The following KLRK1 variants were observed in gnomAD, a reference collection of about 807,000 sequenced individuals.
The protein encoded by KLRK1 is NKG2-D type II integral membrane protein.
Under a neutral mutation model 31.3 loss-of-function variants are expected in KLRK1, and 40 were observed. The observed-to-expected ratio is 1.28, with a 90% CI of 0.99 to 1.67. The LOEUF is 1.67. Among genes scored for constraint, KLRK1 ranks in the 40% most tolerant of loss-of-function variants. The probability of loss-of-function intolerance (pLI) is 0.00; values close to 1 mark genes in which losing one functional copy is unlikely to be tolerated. For synonymous variants in KLRK1, 77 were observed against 77.3 expected, an observed-to-expected ratio of 1.00 and a Z score of 0.02; for missense variants, 251 against 260.0, an observed-to-expected ratio of 0.97 and a Z score of 0.24.
At chr12:10,382,875 G>A (rs542950801) in intron 3 of KLRK1, among the ~76,000 whole-genome samples, 14 of 151,980 alleles carry the variant, frequency 9.2e-5, no homozygotes, top group Admixed American at 7.9e-4. Flanking sequence ...GAGTTGTTTA[G>A]TTTTTTCTTT....
intron 7 of KLRK1, among the ~76,000 whole-genome samples, chr12:10,376,903 G>A (rs1414266903): frequency 2.7e-5 from 4 of 148,866 alleles, no homozygotes; most frequent in African/African-American, 9.9e-5. Flanking sequence ...TGCAACCTCC[G>A]TCTCCCGGGT....
chr12:10,377,364 A>G (rs1862986681), intron 7 of KLRK1, among the ~76,000 whole-genome samples: 1 of 152,268 alleles, frequency 6.6e-6, no homozygotes, highest in Non-Finnish European at 1.5e-5. Context: ...ATACTTGTAC[A>G]CAAATATTAT....
chr12:10,374,748 C>T (rs562969664), intron 7 of KLRK1, among the ~76,000 whole-genome samples: 2 of 150,910 alleles, frequency 1.3e-5, no homozygotes, highest in Admixed American at 1.3e-4. Flanking sequence ...ATACTACTTT[C>T]ATTACACTTC....
At chr12:10,375,173 G>GGAAAATTGAAAATAAC (rs1449340932) in intron 7 of KLRK1, among the ~76,000 whole-genome samples, 1 of 152,072 alleles carries the variant, frequency 6.6e-6, no homozygotes, top group Non-Finnish European at 1.5e-5. Flanking sequence ...AAACACAAGG[G>GGAAAATTGAAAATAAC]GAAAATTGAA....
intron 3 of KLRK1, 44 bp from the exon 4 acceptor site, chr12:10,379,836 G>A (rs1863037295): frequency 2.6e-6 from 4 of 1,534,362 alleles, no homozygotes; most frequent in Non-Finnish European, 3.5e-6. Flanking sequence ...AAGCATAAAA[G>A]GTTTGGGTAT....
chr12:10,376,024 C>A (rs963813934), intron 7 of KLRK1, among the ~76,000 whole-genome samples: 2 of 152,166 alleles, frequency 1.3e-5, no homozygotes, highest in Admixed American at 1.3e-4. Context: ...TAAAGATATG[C>A]AGAAGGTCAC....
intron 3 of KLRK1, among the ~76,000 whole-genome samples, chr12:10,383,359 T>A (rs1482320784): frequency 6.6e-6 from 1 of 151,990 alleles, no homozygotes; most frequent in East Asian, 1.9e-4. Flanking sequence ...CAGCTATACT[T>A]AGATAAAATA....
intron 3 of KLRK1, 166 bp from the exon 4 acceptor site, chr12:10,379,958 A>AAAAACTAG: frequency 2.1e-6 from 1 of 475,884 alleles, no homozygotes. Flanking sequence ...GCAAATGATC[A>AAAAACTAG]AAAACTAGAG....
At chr12:10,377,264 A>G (rs1565491525) in intron 7 of KLRK1, among the ~76,000 whole-genome samples, 1 of 152,224 alleles carries the variant, frequency 6.6e-6, no homozygotes, top group African/African-American at 2.4e-5. Flanking sequence ...GGCACTTTAA[A>G]AAAAGTTAAG....
chr12:10,388,817 C>G lies in KLRK1; in HGVS notation c.-7G>C. ...GACCACGAATCCACCCCATCAAATA[C>G]TTATAAGTGCACGTCTACCGCAGAG... is the stretch of plus-strand genomic sequence containing the variant. On this transcript the variant is annotated 5_prime_UTR_variant, in exon 2 of 8. Coordinates refer to ENST00000240618, the MANE Select transcript of KLRK1 (RefSeq NM_007360.4). 1.2e-6 allele frequency: 2 copies of G among 1,613,928 alleles called. No individual in the cohort carries two copies. Among genetic ancestry groups the G allele is most frequent in the South Asian group, 2.2e-5 (2 of 91,078 alleles).
intron 3 of KLRK1, among the ~76,000 whole-genome samples, chr12:10,385,483 A>T (rs949018141): frequency 1.3e-5 from 2 of 152,016 alleles, no homozygotes; most frequent in Non-Finnish European, 2.9e-5. Flanking sequence ...GAAGTACATA[A>T]TGTTACGTAG....
At chr12:10,375,429 C>A (rs781112715) in intron 7 of KLRK1, among the ~76,000 whole-genome samples, 4 of 152,030 alleles carry the variant, frequency 2.6e-5, no homozygotes, top group Non-Finnish European at 5.9e-5. Context: ...AAAATAACAC[C>A]TGTATACAGG....
chr12:10,382,453 C>T (rs1048951770), intron 3 of KLRK1, among the ~76,000 whole-genome samples: 4 of 151,794 alleles, frequency 2.6e-5, no homozygotes, highest in African/African-American at 4.8e-5. Flanking sequence ...ATTCAAAGAC[C>T]CAAGGAAAAC....
intron 7 of KLRK1, chr12:10,373,892 A>G (rs2137799627): frequency 6.6e-6 from 1 of 152,382 alleles, no homozygotes; most frequent in South Asian, 2.1e-4. Flanking sequence ...AAAATTGACA[A>G]AAAAATAAAA....
intron 4 of KLRK1, 88 bp downstream of exon 4, chr12:10,379,612 G>T: frequency 7.2e-7 from 1 of 1,384,608 alleles, no homozygotes; most frequent in East Asian, 2.4e-5. Context: ...TCTAGTTTAT[G>T]TGTCTGTGTT....
chr12:10,387,702 T>C (rs981652254), intron 2 of KLRK1, among the ~76,000 whole-genome samples: 1 of 151,888 alleles, frequency 6.6e-6, no homozygotes, highest in African/African-American at 2.4e-5. Context: ...TGTGCCACCA[T>C]ACCTGGCTAA....
chr12:10,379,297 C>T (rs2255364), intron 5 of KLRK1, 150 bp downstream of exon 5: 217,139 of 287,704 alleles, frequency 0.75, 83,468 homozygotes, highest in South Asian at 0.87. Context: ...CAAGTATTCC[C>T]TCATTGTTAA....
At chr12:10,376,774 A>G (rs2137804412) in intron 7 of KLRK1, among the ~76,000 whole-genome samples, 2 of 151,912 alleles carry the variant, frequency 1.3e-5, no homozygotes, top group East Asian at 1.9e-4. Flanking sequence ...CTACATTCAT[A>G]TACCAAAACA....
chr12:10,384,236 C>A (rs920938772), intron 3 of KLRK1, among the ~76,000 whole-genome samples: 1 of 151,954 alleles, frequency 6.6e-6, no homozygotes. Context: ...ACATTCTCTA[C>A]AGAAATAGAA....
Sources: gnomAD v4.1 joint callset for allele counts (sites outside exome capture counted in the v4.1 genomes callset) on GRCh38, gnomAD v4.1.1 for gene constraint, MANE v1.5 for transcripts, NCBI Gene and HGNC (gene_info 2026-07-23, HGNC 2026-07-21) for gene names.